The following CDH13 variants were observed in gnomAD, a reference collection of about 807,000 sequenced individuals.
CDH13 encodes cadherin-13.
CDH13 carries 24 observed loss-of-function variants against 63.8 expected under a neutral mutation model. The ratio of observed to expected loss-of-function variants is 0.38; its 90% CI spans 0.27 to 0.53. The LOEUF is 0.53. Ranked by LOEUF, CDH13 falls within the 20% of genes least tolerant of loss-of-function variation. The probability of loss-of-function intolerance (pLI) is 0.85; values close to 1 mark genes in which losing one functional copy is unlikely to be tolerated. For synonymous variants in CDH13, 503 were observed against 355.3 expected (o/e 1.42, Z -4.67); for missense variants, 1,049 against 903.1 (o/e 1.16, Z -2.07).
chr16:82,901,846 A>T (rs139827303), intron 2 of CDH13, among the ~76,000 whole-genome samples: 62 of 152,316 alleles, frequency 4.1e-4, no homozygotes, highest in African/African-American at 1.5e-3. Flanking sequence ...GTTTCGTTAA[A>T]CTTGTAGGAC....
intron 8 of CDH13, among the ~76,000 whole-genome samples, chr16:83,669,028 G>A (rs1250679469): frequency 6.6e-6 from 1 of 152,104 alleles, no homozygotes; most frequent in Non-Finnish European, 1.5e-5. Flanking sequence ...ACTACATATT[G>A]GAATTATCTA....
At chr16:83,194,071 G>C (rs1048420957) in intron 4 of CDH13, among the ~76,000 whole-genome samples, 3 of 152,184 alleles carry the variant, frequency 2.0e-5, no homozygotes, top group African/African-American at 7.2e-5. Context: ...TAGTTTCAGT[G>C]ATTCTGTGCC....
At chr16:83,532,227 G>T (rs930992833) in intron 7 of CDH13, among the ~76,000 whole-genome samples, 4 of 152,106 alleles carry the variant, frequency 2.6e-5, no homozygotes, top group Non-Finnish European at 5.9e-5. Flanking sequence ...CCAGTCTCAG[G>T]TATGTGTTTA....
intron 7 of CDH13, among the ~76,000 whole-genome samples, chr16:83,489,004 C>T (rs182650427): frequency 1.1e-3 from 175 of 152,302 alleles, no homozygotes; most frequent in Non-Finnish European, 2.2e-3. Flanking sequence ...CTATTCCCCA[C>T]TTGACACGTG....
At chr16:83,328,958 G>A (rs1447073676) in intron 5 of CDH13, among the ~76,000 whole-genome samples, 1 of 152,158 alleles carries the variant, frequency 6.6e-6, no homozygotes, top group East Asian at 1.9e-4. Flanking sequence ...TTCACAGTAA[G>A]CAAGTTTGTC....
intron 3 of CDH13, among the ~76,000 whole-genome samples, chr16:83,084,929 G>A (rs1478111117): frequency 6.6e-6 from 1 of 152,126 alleles, no homozygotes; most frequent in Non-Finnish European, 1.5e-5. Flanking sequence ...TGTTTTTCTT[G>A]CCTAACGAGA....
At chr16:83,661,342 C>G (rs1307023432) in intron 8 of CDH13, among the ~76,000 whole-genome samples, 1 of 152,088 alleles carries the variant, frequency 6.6e-6, no homozygotes, top group Non-Finnish European at 1.5e-5. Flanking sequence ...TAAAAATTAG[C>G]TTGGCGTGGT....
chr16:83,730,602 G>T (rs1378878550), intron 10 of CDH13, among the ~76,000 whole-genome samples: 3 of 152,108 alleles, frequency 2.0e-5, no homozygotes, highest in South Asian at 4.1e-4. Context: ...ATTGAACTGG[G>T]TACAAAGGAT....
At chr16:83,661,659 G>C (rs1222709081) in intron 8 of CDH13, among the ~76,000 whole-genome samples, 1 of 152,108 alleles carries the variant, frequency 6.6e-6, no homozygotes, top group Non-Finnish European at 1.5e-5. Context: ...TTTTAGTTTT[G>C]CATATGTGCA....
intron 10 of CDH13, among the ~76,000 whole-genome samples, chr16:83,744,586 A>T (rs568658152): frequency 6.6e-6 from 1 of 152,164 alleles, no homozygotes; most frequent in East Asian, 1.9e-4. Context: ...GCTGAGTCGG[A>T]TGTTTCTGAA....
intron 8 of CDH13, among the ~76,000 whole-genome samples, chr16:83,665,155 G>T (rs1026519944): frequency 1.3e-5 from 2 of 148,786 alleles, no homozygotes; most frequent in Non-Finnish European, 3.0e-5. Flanking sequence ...GTGTGTGAGT[G>T]CCAGGCATAC....
rs576519200 is a variant in CDH13, at chr16:83,309,846, G to A, written c.637-35016G>A. Among the ~76,000 whole-genome samples, 6 of 151,696 alleles carry A rather than the reference G, an allele frequency of 4.0e-5. No individual in the cohort carries two copies. In the East Asian group the frequency reaches 1.2e-3, roughly 30 times the overall value. On this transcript the variant is annotated intron_variant, in intron 5 of 13. Transcript: ENST00000567109. ...TTTAACTTTGTCTTTGTGGACTTCA[G>A]AAGTCCTTCCAGACAAATGGCTGCT... is the stretch of plus-strand genomic sequence containing the variant.
rs575716812 is a variant in CDH13 at position 83,722,061 on chromosome 16, G to A, written c.1539-26047G>A. ...ATCCAGGGGACACTGGAGCCCTGGA[G>A]CTTGTTAGGAAGCAAGCTACTCATT... On this transcript the variant is annotated intron_variant, in intron 10 of 13. Coordinates refer to ENST00000567109, the MANE Select transcript of CDH13 (RefSeq NM_001257.5). Among the ~76,000 whole-genome samples, 368 of 152,244 alleles carry A rather than the reference G, an allele frequency of 2.4e-3. 2 individuals are homozygous for A. The highest frequency in any genetic ancestry group is 8.6e-3 in the African/African-American group (359 of 41,544).
At chr16:82,892,554 G>C (rs1360835231) in intron 2 of CDH13, among the ~76,000 whole-genome samples, 3 of 152,102 alleles carry the variant, frequency 2.0e-5, no homozygotes, top group Admixed American at 6.5e-5. Flanking sequence ...ATGTGTACTT[G>C]GAAGGGCAAA....
intron 2 of CDH13, among the ~76,000 whole-genome samples, chr16:83,024,459 A>G (rs1597162089): frequency 6.6e-6 from 1 of 152,172 alleles, no homozygotes; most frequent in Admixed American, 6.6e-5. Flanking sequence ...GAAAGAACAC[A>G]TTCATCTAGA....
rs561151903 is a variant in CDH13 at position 83,171,145 on chromosome 16, G to A, written c.483+45644G>A. Among the ~76,000 whole-genome samples, 134 of 152,188 alleles carry A rather than the reference G, an allele frequency of 8.8e-4. 1 individual carries two copies. The highest frequency in any genetic ancestry group is 3.1e-3 in the African/African-American group (130 of 41,556). ...CATGGTGGCTTCTGCCTCTGGGGAGGCCTTAGGAAACTTATAGTCATGGTG... is the reference window on the plus strand; with the variant it reads ...CATGGTGGCTTCTGCCTCTGGGGAGACCTTAGGAAACTTATAGTCATGGTG... On this transcript the variant is annotated intron_variant, in intron 4 of 13. Coordinates refer to ENST00000567109, the MANE Select transcript of CDH13 (RefSeq NM_001257.5).
At chr16:83,162,614 C>A (rs1355960088) in intron 4 of CDH13, among the ~76,000 whole-genome samples, 3 of 152,106 alleles carry the variant, frequency 2.0e-5, no homozygotes, top group African/African-American at 7.2e-5. Flanking sequence ...GAAGTATCTA[C>A]TGAAGAGGTC....
chr16:82,995,969 C>A (rs554370658), intron 2 of CDH13, among the ~76,000 whole-genome samples: 1 of 152,140 alleles, frequency 6.6e-6, no homozygotes, highest in Non-Finnish European at 1.5e-5. Flanking sequence ...AACCATGCAT[C>A]GCTGTTTGTC....
At chr16:83,737,118 C>A (rs932911223) in intron 10 of CDH13, among the ~76,000 whole-genome samples, 13 of 152,212 alleles carry the variant, frequency 8.5e-5, no homozygotes, top group African/African-American at 2.9e-4. Flanking sequence ...TTCATGCTGA[C>A]CATGCCCACA....
Sources: allele counts gnomAD v4.1 joint callset (sites outside exome capture counted in the v4.1 genomes callset), GRCh38; gene constraint gnomAD v4.1.1; transcripts MANE v1.5; gene names NCBI Gene and HGNC (gene_info 2026-07-23, HGNC 2026-07-21).